Variants in AGBL4 observed in about 807,000 individuals in gnomAD.
AGBL4 encodes AGBL carboxypeptidase 4, also known as cytosolic carboxypeptidase 6.
In AGBL4, 58 loss-of-function variants were observed where a neutral mutation model predicts 66.4. The ratio of observed to expected loss-of-function variants is 0.87; its 90% CI spans 0.71 to 1.09. The LOEUF is 1.09. Ranked by LOEUF, AGBL4 falls within the 50% of genes least tolerant of loss-of-function variation. The pLI, the probability that AGBL4 is intolerant of heterozygous loss-of-function variation, is 0.00. For synonymous variants in AGBL4, 234 were observed against 222.9 expected, an observed-to-expected ratio of 1.05 and a Z score of -0.44; for missense variants, 579 against 631.0, an observed-to-expected ratio of 0.92 and a Z score of 0.88.
At chr1:49,108,622 C>T (rs904953986) in intron 4 of AGBL4, among the ~76,000 whole-genome samples, 15 of 152,168 alleles carry the variant, frequency 9.9e-5, no homozygotes, top group African/African-American at 3.6e-4. Flanking sequence ...GGCCTCATCT[C>T]TTTGCACTGT....
chr1:48,910,424 G>C (rs1026930240), intron 5 of AGBL4, among the ~76,000 whole-genome samples: 3 of 152,142 alleles, frequency 2.0e-5, no homozygotes, highest in Non-Finnish European at 4.4e-5. Context: ...TTTTGGTGTG[G>C]TAGATTCACT....
chr1:49,740,852 T>C (rs969595154), intron 2 of AGBL4, among the ~76,000 whole-genome samples: 2 of 152,190 alleles, frequency 1.3e-5, no homozygotes, highest in South Asian at 4.1e-4. Flanking sequence ...TTGAAACCAA[T>C]GAGAACAAAC....
intron 5 of AGBL4, among the ~76,000 whole-genome samples, chr1:48,998,698 T>C (rs528161691): frequency 2.5e-4 from 38 of 152,310 alleles, no homozygotes; most frequent in Admixed American, 4.6e-4. Context: ...GAAAGGAATG[T>C]GGATTCCTAT....
chr1:49,873,185 T>C (rs377197382), intron 1 of AGBL4, among the ~76,000 whole-genome samples: 2 of 152,046 alleles, frequency 1.3e-5, no homozygotes, highest in Admixed American at 1.3e-4. Flanking sequence ...TTGTTCTCCC[T>C]TTTTGTTTGC....
intron 3 of AGBL4, among the ~76,000 whole-genome samples, chr1:49,653,680 C>T (rs1185046557): frequency 6.6e-6 from 1 of 151,214 alleles, no homozygotes; most frequent in African/African-American, 2.4e-5. Flanking sequence ...AATGCAAACA[C>T]AAGTATCAAC....
At chr1:49,754,674 A>G (rs919812607) in intron 2 of AGBL4, among the ~76,000 whole-genome samples, 2 of 152,176 alleles carry the variant, frequency 1.3e-5, no homozygotes, top group Non-Finnish European at 2.9e-5. Context: ...AGGGGTCAGG[A>G]ACCCACTTGA....
chr1:48,567,661 C>T (rs995024638), intron 11 of AGBL4, among the ~76,000 whole-genome samples: 1 of 152,158 alleles, frequency 6.6e-6, no homozygotes, highest in Non-Finnish European at 1.5e-5. Context: ...CTGCTCTCCA[C>T]CACTGTCTGA....
chr1:49,282,791 C>T (rs1402118616), intron 3 of AGBL4, among the ~76,000 whole-genome samples: 2 of 152,182 alleles, frequency 1.3e-5, no homozygotes, highest in Admixed American at 1.3e-4. Context: ...TCACTCCCAC[C>T]CGAATATTGC....
At chr1:49,805,947 T>C (rs1272372774) in intron 2 of AGBL4, among the ~76,000 whole-genome samples, 1 of 152,206 alleles carries the variant, frequency 6.6e-6, no homozygotes, top group African/African-American at 2.4e-5. Context: ...GCTTATGGCA[T>C]TTTTTAAATA....
chr1:49,471,167 A>T (rs1646735296), intron 3 of AGBL4, among the ~76,000 whole-genome samples: 1 of 151,922 alleles, frequency 6.6e-6, no homozygotes, highest in Admixed American at 6.6e-5. Flanking sequence ...TCCAGGAAAA[A>T]CTTTCTAGTC....
intron 2 of AGBL4, among the ~76,000 whole-genome samples, chr1:49,745,887 C>G (rs202192541): frequency 1.3e-5 from 2 of 151,806 alleles, no homozygotes; most frequent in Non-Finnish European, 2.9e-5. Context: ...CTAGACTTAA[C>G]AGAAAACTAC....
intron 3 of AGBL4, among the ~76,000 whole-genome samples, chr1:49,481,235 A>G (rs957838314): frequency 6.6e-6 from 1 of 152,078 alleles, no homozygotes; most frequent in African/African-American, 2.4e-5. Flanking sequence ...TGGCCATTTT[A>G]ACAATAATGA....
chr1:49,482,145 G>A (rs1003811267), intron 3 of AGBL4, among the ~76,000 whole-genome samples: 2 of 151,894 alleles, frequency 1.3e-5, no homozygotes, highest in African/African-American at 2.4e-5. Context: ...CTCATAGAAT[G>A]AGTTAGGGAG....
At chr1:49,306,948 T>A (rs1406580806) in intron 3 of AGBL4, among the ~76,000 whole-genome samples, 1 of 152,132 alleles carries the variant, frequency 6.6e-6, no homozygotes, top group African/African-American at 2.4e-5. Flanking sequence ...AAAGTTTAGA[T>A]CACTTGCACT....
chr1:48,576,167 C>T (rs2148324723), intron 11 of AGBL4, among the ~76,000 whole-genome samples: 1 of 152,298 alleles, frequency 6.6e-6, no homozygotes, highest in Middle Eastern at 3.4e-3. Context: ...ATCATTATGA[C>T]CTGAGCTCCT....
chr1:49,416,898 T>C (rs1645437893), intron 3 of AGBL4, among the ~76,000 whole-genome samples: 1 of 151,998 alleles, frequency 6.6e-6, no homozygotes, highest in African/African-American at 2.4e-5. Flanking sequence ...AAGAAAAACA[T>C]GAATACATTA....
intron 3 of AGBL4, among the ~76,000 whole-genome samples, chr1:49,376,050 A>C (rs748320519): frequency 6.6e-6 from 1 of 152,120 alleles, no homozygotes; most frequent in Non-Finnish European, 1.5e-5. Context: ...TATTGTATGA[A>C]AAGATTAAGA....
intron 8 of AGBL4, among the ~76,000 whole-genome samples, chr1:48,635,496 T>C (rs1447201030): frequency 6.6e-6 from 1 of 152,218 alleles, no homozygotes; most frequent in Non-Finnish European, 1.5e-5. Flanking sequence ...CTCTGGCAAG[T>C]CCATCCTTCG....
intron 3 of AGBL4, among the ~76,000 whole-genome samples, chr1:49,484,520 T>C (rs1422592480): frequency 1.3e-5 from 2 of 152,070 alleles, no homozygotes; most frequent in African/African-American, 2.4e-5. Context: ...AATTCACATG[T>C]TCTCCCTTAT....
Sources: allele counts gnomAD v4.1 joint callset (sites outside exome capture counted in the v4.1 genomes callset), GRCh38; gene constraint gnomAD v4.1.1; transcripts MANE v1.5; gene names NCBI Gene and HGNC (gene_info 2026-07-23, HGNC 2026-07-21).